The following HHAT variants were observed in gnomAD, a reference collection of about 807,000 sequenced individuals.
HHAT encodes the protein protein-cysteine N-palmitoyltransferase HHAT.
HHAT carries 47 observed loss-of-function variants against 70.8 expected under a neutral mutation model. The ratio of observed to expected loss-of-function variants is 0.66; its 90% CI spans 0.53 to 0.85. The LOEUF is 0.85. Among genes scored for constraint, HHAT ranks in the 40% least tolerant of loss-of-function variants. HHAT has a pLI of 0.00. For synonymous variants in HHAT, 228 were observed against 247.6 expected (o/e 0.92, Z 0.74); for missense variants, 609 against 604.8 (o/e 1.01, Z -0.07).
At chr1:210,613,310 C>T (rs913144932) in intron 10 of HHAT, among the ~76,000 whole-genome samples, 4 of 152,142 alleles carry the variant, frequency 2.6e-5, no homozygotes, top group Admixed American at 2.6e-4. Flanking sequence ...CAGTTTCGTT[C>T]TTTTGCATGT....
At chr1:210,419,342 G>T (rs1001937033) in intron 7 of HHAT, among the ~76,000 whole-genome samples, 1 of 152,188 alleles carries the variant, frequency 6.6e-6, no homozygotes, top group Non-Finnish European at 1.5e-5. Context: ...TACTTCCTCA[G>T]CAGGGCTAGT....
intron 9 of HHAT, among the ~76,000 whole-genome samples, chr1:210,560,699 C>T (rs1323257090): frequency 2.7e-5 from 4 of 150,184 alleles, no homozygotes; most frequent in African/African-American, 9.8e-5. Context: ...GTCCCAGTTA[C>T]TCAGAATGCT....
Position 210,427,265 on chromosome 1 carries a change from A to G in HHAT, c.856+8940A>G, listed in dbSNP as rs116298002. Among the ~76,000 whole-genome samples the G allele has an allele frequency of 7.0e-3, 1,057 of 151,806 alleles. 13 individuals carry two copies. The highest frequency in any genetic ancestry group is 0.024 in the African/African-American group (1,005 of 41,404). The stretch of plus-strand genomic sequence containing the variant: ...ATTTTATTAATTTTTTTTTAAACCA[A>G]TTCCTGGATTCACTGACATTTCAAG... On this transcript the variant is annotated intron_variant, in intron 7 of 11. Transcript: ENST00000261458.
At chr1:210,401,729 A>T (rs1486345801) in intron 5 of HHAT, among the ~76,000 whole-genome samples, 1 of 152,156 alleles carries the variant, frequency 6.6e-6, no homozygotes, top group African/African-American at 2.4e-5. Context: ...ATCAGACTTG[A>T]CCCAGAGAAT....
At chr1:210,523,686 T>C (rs900848937) in intron 9 of HHAT, among the ~76,000 whole-genome samples, 1 of 152,240 alleles carries the variant, frequency 6.6e-6, no homozygotes, top group Non-Finnish European at 1.5e-5. Context: ...CATCTGGATC[T>C]TCTGCGTAGT....
intron 2 of HHAT, among the ~76,000 whole-genome samples, chr1:210,357,084 T>C (rs1161705737): frequency 1.3e-5 from 2 of 152,240 alleles, no homozygotes; most frequent in African/African-American, 4.8e-5. Flanking sequence ...TATTTGGCTG[T>C]GGTTTCCATT....
intron 9 of HHAT, among the ~76,000 whole-genome samples, chr1:210,570,859 G>T (rs1656109980): frequency 6.6e-6 from 1 of 152,122 alleles, no homozygotes; most frequent in African/African-American, 2.4e-5. Flanking sequence ...GGTGAACTCT[G>T]AAGAGTAGCT....
At chr1:210,329,236 A>C (rs10863819) in intron 1 of HHAT, 132 bp downstream of exon 1, 2 of 1,196,166 alleles carry the variant, frequency 1.7e-6, no homozygotes, top group Non-Finnish European at 2.1e-6. Flanking sequence ...TGCGCGCCCG[A>C]GGGCGGGACA....
intron 6 of HHAT, among the ~76,000 whole-genome samples, chr1:210,413,476 AT>A (rs757009620): frequency 1.3e-4 from 20 of 152,286 alleles, no homozygotes; most frequent in Non-Finnish European, 2.5e-4. Flanking sequence ...TTCCCTTTTG[AT>A]TAACAATTTT....
At chr1:210,614,325 G>C (rs1667216521) in intron 10 of HHAT, among the ~76,000 whole-genome samples, 1 of 151,934 alleles carries the variant, frequency 6.6e-6, no homozygotes, top group Non-Finnish European at 1.5e-5. Flanking sequence ...TTAGGGTTTT[G>C]TACATGTAAT....
chr1:210,672,377 C>T (rs1299568317), intron 11 of HHAT, among the ~76,000 whole-genome samples: 1 of 152,234 alleles, frequency 6.6e-6, no homozygotes, highest in East Asian at 1.9e-4. Flanking sequence ...CCCTATGCAG[C>T]AGCCACGTCA....
intron 4 of HHAT, among the ~76,000 whole-genome samples, chr1:210,393,150 G>A (rs1469846453): frequency 7.2e-5 from 11 of 152,038 alleles, no homozygotes; most frequent in Admixed American, 4.6e-4. Context: ...TGCTGGCTTC[G>A]TGGAGTTGTG....
intron 11 of HHAT, among the ~76,000 whole-genome samples, chr1:210,653,130 T>TATACATAC (rs113600697): frequency 0.015 from 2,341 of 151,160 alleles, 46 homozygotes; most frequent in African/African-American, 0.046. Context: ...AAAACAGCTT[T>TATACATAC]ATACATACAT....
intron 11 of HHAT, among the ~76,000 whole-genome samples, chr1:210,649,602 C>T (rs1674718117): frequency 6.6e-6 from 1 of 152,210 alleles, no homozygotes; most frequent in South Asian, 2.1e-4. Context: ...CACTGTGTCT[C>T]CCTAAAGGTT....
intron 9 of HHAT, among the ~76,000 whole-genome samples, chr1:210,525,492 A>G (rs2095231867): frequency 6.6e-6 from 1 of 152,176 alleles, no homozygotes; most frequent in African/African-American, 2.4e-5. Context: ...CATTTCACTA[A>G]TATTTCATTT....
chr1:210,494,336 G>A (rs575655952), intron 8 of HHAT, among the ~76,000 whole-genome samples: 2 of 152,218 alleles, frequency 1.3e-5, no homozygotes, highest in East Asian at 3.9e-4. Flanking sequence ...TGGAAGTGGT[G>A]AGAAGTCATC....
rs1669307309 is a variant in HHAT at position 210,623,666 on chromosome 1, A to G, written c.1386A>G (p.Ile462Met). 1.9e-6 allele frequency: 3 copies of G among 1,613,888 alleles called. No individual in the cohort carries two copies. Among genetic ancestry groups the G allele is most frequent in the Non-Finnish European group, 2.5e-6 (3 of 1,179,876 alleles). The change falls in exon 11 of 12, where the codon ATA becomes ATG. Residue 462 changes from isoleucine to methionine, a missense_variant. Physicochemically the swap from Ile to Met is conservative, Grantham distance 10. Transcript: ENST00000261458. ...VGKTYWNRIF[I>M]QGWPWVTLSV... ...AAACCTACTGGAATAGGATCTTCAT[A>G]CAAGGTAAGTTGCTTGACAGTGCTG...
chr1:210,523,017 A>G (rs1573013008), intron 9 of HHAT, among the ~76,000 whole-genome samples: 1 of 151,960 alleles, frequency 6.6e-6, no homozygotes, highest in Non-Finnish European at 1.5e-5. Context: ...TCTGGTCGTC[A>G]TTTTCTTTCC....
intron 1 of HHAT, chr1:210,329,527 T>G: frequency 1.0e-6 from 1 of 982,070 alleles, no homozygotes; most frequent in Non-Finnish European, 1.2e-6. Context: ...CTCAGTTTTC[T>G]TCCTCTGTTC....
Sources: gnomAD v4.1 joint callset for allele counts (sites outside exome capture counted in the v4.1 genomes callset) on GRCh38, gnomAD v4.1.1 for gene constraint, MANE v1.5 for transcripts, NCBI Gene and HGNC (gene_info 2026-07-23, HGNC 2026-07-21) for gene names.